FOXP1: variants seen among roughly 807,000 people sequenced by gnomAD.
The protein encoded by FOXP1 is forkhead box P1, also known as forkhead box protein P1.
In FOXP1, 15 loss-of-function variants were observed where a neutral mutation model predicts 98.2. That is an observed-to-expected ratio of 0.15 (90% CI 0.10 to 0.24). The LOEUF (loss-of-function observed/expected upper bound fraction) is 0.24. FOXP1 is among the 10% of genes least tolerant of loss of function. The pLI, the probability that FOXP1 is intolerant of heterozygous loss-of-function variation, is 1.00. For synonymous variants in FOXP1, 371 were observed against 314.5 expected (o/e 1.18, Z -1.90); for missense variants, 633 against 848.5 (o/e 0.75, Z 3.15).
intron 2 of FOXP1, among the ~76,000 whole-genome samples, chr3:71,539,808 A>G (rs1191854730): frequency 6.6e-6 from 1 of 152,240 alleles, no homozygotes; most frequent in Non-Finnish European, 1.5e-5. Flanking sequence ...CAGTAGATGT[A>G]CAAGAAACAA....
chr3:71,522,330 C>T (rs1485885330), intron 2 of FOXP1, among the ~76,000 whole-genome samples: 1 of 152,138 alleles, frequency 6.6e-6, no homozygotes, highest in Non-Finnish European at 1.5e-5. Flanking sequence ...GACAGACAGA[C>T]CCAAAGACAG....
At chr3:71,123,324 A>G (rs1399103093) in intron 6 of FOXP1, among the ~76,000 whole-genome samples, 1 of 152,144 alleles carries the variant, frequency 6.6e-6, no homozygotes, top group Non-Finnish European at 1.5e-5. Flanking sequence ...AGGAATTAAC[A>G]AGCCCAGCTA....
At chr3:71,271,109 A>C (rs1015067333) in intron 5 of FOXP1, among the ~76,000 whole-genome samples, 1 of 152,222 alleles carries the variant, frequency 6.6e-6, no homozygotes, top group South Asian at 2.1e-4. Flanking sequence ...GCACACCTGT[A>C]ATCTCAGCTA....
intron 3 of FOXP1, among the ~76,000 whole-genome samples, chr3:71,380,698 A>ATTTTTTTTTTTTTTTTTTTTTTTT (rs11395817): frequency 1.0e-5 from 1 of 100,264 alleles, no homozygotes. Flanking sequence ...CTTTTTAGAC[A>ATTTTTTTTTTTTTTTTTTTTTTTT]TTTTTTTTTT....
At chr3:71,094,556 G>A (rs1343032820) in intron 7 of FOXP1, among the ~76,000 whole-genome samples, 1 of 152,144 alleles carries the variant, frequency 6.6e-6, no homozygotes. Context: ...AAGCTTCGGG[G>A]TTTGGCCCAT....
intron 5 of FOXP1, among the ~76,000 whole-genome samples, chr3:71,240,677 G>A (rs2067189023): frequency 6.6e-6 from 1 of 151,860 alleles, no homozygotes; most frequent in Admixed American, 6.6e-5. Flanking sequence ...GAGTAGCTGG[G>A]ATTACAGGCG....
intron 2 of FOXP1, among the ~76,000 whole-genome samples, chr3:71,505,859 T>A (rs995007886): frequency 4.6e-5 from 7 of 152,148 alleles, no homozygotes; most frequent in Non-Finnish European, 8.8e-5. Context: ...GTCACTAAAG[T>A]CTAAAGGATG....
At chr3:71,064,849 G>A (rs2052165539) in intron 7 of FOXP1, 1 of 982,686 alleles carries the variant, frequency 1.0e-6, no homozygotes, top group Non-Finnish European at 1.2e-6. Flanking sequence ...TAGCCGCCAG[G>A]CGCGCGGAGC....
chr3:71,570,521 G>C (rs1268997922), intron 2 of FOXP1: 1 of 152,226 alleles, frequency 6.6e-6, no homozygotes, highest in East Asian at 1.9e-4. Context: ...CATTCGGAAA[G>C]GGAAGCCGTT....
intron 6 of FOXP1, among the ~76,000 whole-genome samples, chr3:71,189,742 T>C (rs1380823254): frequency 6.6e-6 from 1 of 152,230 alleles, no homozygotes; most frequent in Non-Finnish European, 1.5e-5. Context: ...TCTCTTCTTA[T>C]CCAGTCCTTC....
intron 14 of FOXP1, among the ~76,000 whole-genome samples, chr3:70,979,797 A>AG (rs1439661699): frequency 4.7e-5 from 7 of 149,810 alleles, no homozygotes; most frequent in Non-Finnish European, 8.9e-5. Flanking sequence ...AAAAAAAGGG[A>AG]GGGGGGCCTG....
chr3:71,384,162 G>A (rs1352443331), intron 3 of FOXP1, among the ~76,000 whole-genome samples: 1 of 152,194 alleles, frequency 6.6e-6, no homozygotes, highest in Non-Finnish European at 1.5e-5. Context: ...GGAGGTTGCA[G>A]TGAGCTGAGA....
At chr3:71,512,986 C>G (rs2107342354) in intron 2 of FOXP1, among the ~76,000 whole-genome samples, 1 of 152,264 alleles carries the variant, frequency 6.6e-6, no homozygotes, top group Non-Finnish European at 1.5e-5. Context: ...CAGAAGGATC[C>G]CTGAGATACT....
chr3:71,530,898 C>T (rs546482103), intron 2 of FOXP1, among the ~76,000 whole-genome samples: 28 of 152,248 alleles, frequency 1.8e-4, no homozygotes, highest in Admixed American at 2.0e-4. Flanking sequence ...CCAGGAATGG[C>T]GAAGGAAAAA....
chr3:71,448,308 C>T (rs72961220), intron 3 of FOXP1, among the ~76,000 whole-genome samples: 17 of 152,070 alleles, frequency 1.1e-4, no homozygotes, highest in African/African-American at 3.9e-4. Flanking sequence ...ATTAAGTCTG[C>T]GAAAACAGTA....
intron 11 of FOXP1, among the ~76,000 whole-genome samples, chr3:71,035,329 T>A (rs2047436104): frequency 6.6e-6 from 1 of 152,216 alleles, no homozygotes; most frequent in Non-Finnish European, 1.5e-5. Context: ...CATCAGGGAA[T>A]CTGAGAAACA....
chr3:71,257,047 C>A (rs1352120513), intron 5 of FOXP1, among the ~76,000 whole-genome samples: 1 of 152,152 alleles, frequency 6.6e-6, no homozygotes, highest in East Asian at 1.9e-4. Flanking sequence ...CCAAAGAACT[C>A]AAGCAGTATG....
chr3:71,210,389 A>G (rs2064362196), intron 5 of FOXP1, among the ~76,000 whole-genome samples: 1 of 152,146 alleles, frequency 6.6e-6, no homozygotes, highest in Non-Finnish European at 1.5e-5. Context: ...TCCCCAAATC[A>G]ACATAGTCCC....
At chr3:71,532,798 A>G (rs2043964386) in intron 2 of FOXP1, among the ~76,000 whole-genome samples, 1 of 152,150 alleles carries the variant, frequency 6.6e-6, no homozygotes, top group Non-Finnish European at 1.5e-5. Flanking sequence ...AAGTGCCGTA[A>G]GCAACAACTA....
Sources: gnomAD v4.1 joint callset for allele counts (sites outside exome capture counted in the v4.1 genomes callset) on GRCh38, gnomAD v4.1.1 for gene constraint, MANE v1.5 for transcripts, NCBI Gene and HGNC (gene_info 2026-07-23, HGNC 2026-07-21) for gene names.